KLHL5: variants seen among roughly 807,000 people sequenced by gnomAD.
KLHL5 encodes the protein kelch like family member 5.
KLHL5 carries 48 observed loss-of-function variants against 77.7 expected under a neutral mutation model. The observed-to-expected ratio is 0.62, with a 90% CI of 0.49 to 0.79. The LOEUF is 0.79. Ranked by LOEUF, KLHL5 falls within the 30% of genes least tolerant of loss-of-function variation. The probability of loss-of-function intolerance (pLI) is 0.00; values close to 1 mark genes in which losing one functional copy is unlikely to be tolerated. For missense variants in KLHL5, 723 were observed against 859.7 expected (o/e 0.84, Z 1.99); for synonymous variants, 260 against 297.0 (o/e 0.88, Z 1.28).
intron 1 of KLHL5, among the ~76,000 whole-genome samples, chr4:39,069,425 ACATTT>A (rs1718198524): frequency 4.6e-5 from 4 of 86,230 alleles, no homozygotes; most frequent in Non-Finnish European, 8.5e-5. Context: ...TTCCCTATTA[ACATTT>A]TATATATATA....
chr4:39,063,079 G>C, intron 1 of KLHL5, 44 bp downstream of exon 1: 1 of 1,409,000 alleles, frequency 7.1e-7, no homozygotes, highest in South Asian at 1.4e-5. Flanking sequence ...TGGGGGTATG[G>C]CTCTATAATG....
At chr4:39,101,713 G>A (rs546782255) in intron 6 of KLHL5, among the ~76,000 whole-genome samples, 7 of 151,654 alleles carry the variant, frequency 4.6e-5, no homozygotes, top group Non-Finnish European at 8.8e-5. Flanking sequence ...GTTGGGAGTG[G>A]TGGTACATAC....
At chr4:39,080,974 G>C (rs1033585800) in intron 2 of KLHL5, 129 bp from the exon 3 acceptor site, 2 of 845,756 alleles carry the variant, frequency 2.4e-6, no homozygotes, top group Non-Finnish European at 3.5e-6. Flanking sequence ...AAAGCAATTT[G>C]TCAAGCTTAA....
Position 39,081,198 on chromosome 4 carries a change from A to G in KLHL5, c.662A>G (p.Glu221Gly), listed in dbSNP as rs770438295. The stretch of plus-strand genomic sequence containing the variant: ...GAAGAAATAAAAATGGAAGGTGTAG[A>G]ACCAAATTCGTTGTGGTCCTTGATC... ...RQEEIKMEGV[E>G]PNSLWSLIQY... The change falls in exon 3 of 11, where the codon GAA (glutamate) becomes GGA (glycine). Residue 221 changes from glutamate (E) to glycine (G), a missense_variant. Coordinates refer to ENST00000504108, the MANE Select transcript of KLHL5 (RefSeq NM_015990.5). This position sits in a 1 kb window ranked among gnomAD's most constrained non-coding sequence, Gnocchi z 4.3. The G allele has an allele frequency of 8.7e-6, 14 of 1,613,044 alleles. No homozygotes were observed. In the South Asian group the frequency reaches 1.5e-4, roughly 18 times the overall value.
At chr4:39,095,291 G>A (rs990285345) in intron 5 of KLHL5, among the ~76,000 whole-genome samples, 1 of 152,074 alleles carries the variant, frequency 6.6e-6, no homozygotes, top group Non-Finnish European at 1.5e-5. Context: ...ACTTATTCCT[G>A]GCAGGAATGT....
At chr4:39,095,011 T>A (rs1720925716) in intron 5 of KLHL5, among the ~76,000 whole-genome samples, 1 of 152,008 alleles carries the variant, frequency 6.6e-6, no homozygotes, top group Non-Finnish European at 1.5e-5. Flanking sequence ...GACCTAAATA[T>A]GAAAAATTAT....
At chr4:39,075,458 TA>T (rs1718927732) in intron 1 of KLHL5, among the ~76,000 whole-genome samples, 2 of 152,350 alleles carry the variant, frequency 1.3e-5, no homozygotes, top group South Asian at 2.1e-4. Context: ...ATATAAGTTA[TA>T]GATTACCTGG....
chr4:39,126,847 A>G, downstream of KLHL5: 1 of 410,418 alleles, frequency 2.4e-6, no homozygotes, highest in South Asian at 1.7e-5. Context: ...TTTACCAAAA[A>G]TGTATTTAAT....
intron 10 of KLHL5, chr4:39,115,712 T>G: frequency 8.5e-7 from 1 of 1,174,216 alleles, no homozygotes; most frequent in Non-Finnish European, 1.1e-6. Flanking sequence ...GCAGTCGGAT[T>G]TTTAAATACT....
At chr4:39,116,080 C>T in intron 10 of KLHL5, 1 of 969,078 alleles carries the variant, frequency 1.0e-6, no homozygotes, top group Non-Finnish European at 1.2e-6. Flanking sequence ...TGCCTATAAT[C>T]CCAGCACTTT....
At chr4:39,109,321 A>G (rs1472716686) in intron 8 of KLHL5, among the ~76,000 whole-genome samples, 3 of 152,056 alleles carry the variant, frequency 2.0e-5, no homozygotes, top group Non-Finnish European at 4.4e-5. Context: ...TTTGAGAGAG[A>G]GTCTCACTCT....
At chr4:39,073,801 C>T (rs535207005) in intron 1 of KLHL5, among the ~76,000 whole-genome samples, 86 of 150,094 alleles carry the variant, frequency 5.7e-4, no homozygotes, top group Admixed American at 1.3e-3. Flanking sequence ...TGTGCCACCA[C>T]GCCCAGCTAA....
chr4:39,097,529 G>A (rs567439293), intron 6 of KLHL5, among the ~76,000 whole-genome samples: 210 of 152,320 alleles, frequency 1.4e-3, no homozygotes, highest in Non-Finnish European at 6.2e-4. Flanking sequence ...TAGGTTGCAC[G>A]GAGAACTTAG....
At chr4:39,066,852 G>C (rs1717933286) in intron 1 of KLHL5, among the ~76,000 whole-genome samples, 1 of 152,188 alleles carries the variant, frequency 6.6e-6, no homozygotes, top group South Asian at 2.1e-4. Flanking sequence ...AGTCAAGTGA[G>C]ACACAGAAAA....
chr4:39,106,770 T>A (rs1186618433), intron 7 of KLHL5, among the ~76,000 whole-genome samples: 1 of 152,246 alleles, frequency 6.6e-6, no homozygotes, highest in Non-Finnish European at 1.5e-5. Flanking sequence ...ACTTTTAATT[T>A]TTTTTAGAGA....
chr4:39,077,705 A>AC (rs1387182161), intron 2 of KLHL5, among the ~76,000 whole-genome samples: 2 of 150,466 alleles, frequency 1.3e-5, no homozygotes, highest in African/African-American at 5.0e-5. Flanking sequence ...AAAAAAAAAA[A>AC]AAAACAAAAA....
chr4:39,086,728 GTAAT>G lies in KLHL5; in HGVS notation c.1113+6_1113+9del. 4 of 1,602,344 alleles carry G rather than the reference GTAAT, an allele frequency of 2.5e-6. No homozygotes were observed. The highest frequency in any genetic ancestry group is 3.4e-6 in the Non-Finnish European group (4 of 1,169,488). On this transcript the variant is annotated splice_donor_variant and splice_donor_5th_base_variant and intron_variant, in intron 5 of 10. Coordinates refer to ENST00000504108, the MANE Select transcript of KLHL5 (RefSeq NM_015990.5). LOFTEE classifies it high-confidence loss of function. Reference sequence around the variant, plus strand: ...TAGGCTACCTCTTCTTGCACCACAGGTAATTAATAGGCACTTGTTTATAGGAATT... The same window carrying G: ...TAGGCTACCTCTTCTTGCACCACAGGTAATAGGCACTTGTTTATAGGAATT...
intron 2 of KLHL5, among the ~76,000 whole-genome samples, chr4:39,076,642 G>C (rs766912803): frequency 3.0e-4 from 46 of 151,586 alleles, no homozygotes; most frequent in Non-Finnish European, 5.6e-4. Context: ...ATTATTTCTT[G>C]AAGTAAGAAA....
intron 1 of KLHL5, among the ~76,000 whole-genome samples, chr4:39,048,594 G>C (rs1028463000): frequency 6.8e-6 from 1 of 146,096 alleles, no homozygotes; most frequent in African/African-American, 2.5e-5. Flanking sequence ...ACATGCTTCC[G>C]CAGTTGTTAG....
Sources: gnomAD v4.1 joint callset for allele counts (sites outside exome capture counted in the v4.1 genomes callset) on GRCh38, gnomAD v4.1.1 for gene constraint, Gnocchi (gnomAD v3.1) non-coding constraint, MANE v1.5 for transcripts, NCBI Gene and HGNC (gene_info 2026-07-23, HGNC 2026-07-21) for gene names.